The following ZDHHC5 variants were observed in gnomAD, a reference collection of about 807,000 sequenced individuals.
The protein encoded by ZDHHC5 is zDHHC palmitoyltransferase 5, also known as palmitoyltransferase ZDHHC5.
In ZDHHC5, 22 loss-of-function variants were observed where a neutral mutation model predicts 70.0. That is an observed-to-expected ratio of 0.31 (90% CI 0.22 to 0.45). ZDHHC5 has a LOEUF of 0.45. Among genes scored for constraint, ZDHHC5 ranks in the 20% least tolerant of loss-of-function variants. The pLI is 1.00. For synonymous variants in ZDHHC5, 313 were observed against 347.8 expected (o/e 0.90, Z 1.11); for missense variants, 746 against 926.9 (o/e 0.80, Z 2.53).
intron 10 of ZDHHC5, among the ~76,000 whole-genome samples, chr11:57,698,250 C>T (rs1416948914): frequency 1.3e-5 from 2 of 152,158 alleles, no homozygotes; most frequent in Non-Finnish European, 2.9e-5. Context: ...AACTCAATCT[C>T]CTTGATACTG....
intron 9 of ZDHHC5, among the ~76,000 whole-genome samples, 198 bp from the exon 10 acceptor site, chr11:57,696,561 TAA>T (rs1388173490): frequency 6.6e-5 from 10 of 151,824 alleles, no homozygotes; most frequent in Admixed American, 6.6e-4. Context: ...ACAAAAAATT[TAA>T]AAAAGTTAGC....
chr11:57,684,065 C>G (rs2926651), intron 3 of ZDHHC5, among the ~76,000 whole-genome samples: 7,462 of 136,310 alleles, frequency 0.055, 649 homozygotes, highest in African/African-American at 0.18. Flanking sequence ...TTGACCCCCC[C>G]CTGGCTCAGG....
chr11:57,679,171 A>G (rs1565191823), intron 2 of ZDHHC5, among the ~76,000 whole-genome samples: 1 of 151,796 alleles, frequency 6.6e-6, no homozygotes, highest in Non-Finnish European at 1.5e-5. Context: ...TATTTTGTAT[A>G]TATATTTTGA....
chr11:57,699,784 T>C, intron 11 of ZDHHC5, 82 bp from the exon 12 acceptor site: 1 of 1,552,358 alleles, frequency 6.4e-7, no homozygotes, highest in South Asian at 1.1e-5. Flanking sequence ...ATCATTTTTT[T>C]CTCTGAACCT....
rs1946402271 is a variant in ZDHHC5 at position 57,699,145 on chromosome 11, G to A, written c.1709G>A (p.Gly570Asp). The change falls in exon 11 of 12, where the codon GGC becomes GAC. Residue 570 changes from glycine (G) to aspartate (D), a missense_variant. Around this residue, in one of 6 missense-constraint regions of ZDHHC5, gnomAD observed 340 missense variants for 350.1 expected, o/e 0.97. Coordinates refer to ENST00000287169, the MANE Select transcript of ZDHHC5 (RefSeq NM_015457.3). ...GAAGAACCAGGCTTGGGGGACTCAG[G>A]CATTCAGTCAACACCAGGCTCGGGC... Reference protein sequence around the residue: ...REEEPGLGDSGIQSTPGSGHA... With the variant: ...REEEPGLGDSDIQSTPGSGHA... 6.2e-7 allele frequency: 1 copy of A among 1,614,250 alleles called. No homozygotes were observed. The highest frequency in any genetic ancestry group is 8.5e-7 in the Non-Finnish European group (1 of 1,180,050).
At chr11:57,691,594 A>G (rs1946285583) in intron 6 of ZDHHC5, among the ~76,000 whole-genome samples, 1 of 152,234 alleles carries the variant, frequency 6.6e-6, no homozygotes, top group South Asian at 2.1e-4. Context: ...GACCCAAACC[A>G]AACTGAAACT....
chr11:57,670,395 C>T (rs186096270), intron 1 of ZDHHC5, among the ~76,000 whole-genome samples: 46 of 151,556 alleles, frequency 3.0e-4, no homozygotes, highest in Non-Finnish European at 4.3e-4. Flanking sequence ...TGCTTGAATC[C>T]GGGACTCGGA....
rs1435334775 is a variant in ZDHHC5 at position 57,699,951 on chromosome 11, C to T, written c.2068C>T (p.Pro690Ser). 4 of 1,614,152 alleles carry T rather than the reference C, an allele frequency of 2.5e-6. No individual in the cohort carries two copies. Among genetic ancestry groups the T allele is most frequent in the Admixed American group, 1.7e-5 (1 of 60,006 alleles). The stretch of plus-strand genomic sequence containing the variant: ...CTCAGCCTCCCCTGGCCCAGGCCAG[C>T]CACCTCTCAGTAGCCCCACGAGGGG... ...LGSASPGPGQPPLSSPTRGGV... is the reference protein window; with the variant it reads ...LGSASPGPGQSPLSSPTRGGV... Residue 690 changes from proline (P) to serine (S), a missense_variant, in exon 12 of 12, where the codon CCA becomes TCA. Pro to Ser is a moderately conservative substitution (Grantham distance 74). This residue lies in a region of ZDHHC5 where 340 missense variants were observed against 350.1 expected (regional missense o/e 0.97). Coordinates refer to ENST00000287169, the MANE Select transcript of ZDHHC5 (RefSeq NM_015457.3).
intron 6 of ZDHHC5, among the ~76,000 whole-genome samples, chr11:57,692,375 T>G (rs1946295967): frequency 6.6e-6 from 1 of 152,208 alleles, no homozygotes; most frequent in Non-Finnish European, 1.5e-5. Flanking sequence ...TATCCCATTT[T>G]ACATGAGGAA....
intron 4 of ZDHHC5, 152 bp downstream of exon 4, chr11:57,688,817 A>C (rs190860857): frequency 1.3e-6 from 1 of 778,272 alleles, no homozygotes; most frequent in African/African-American, 1.8e-5. Context: ...TAATAATGAC[A>C]TGGCATGAGA....
chr11:57,673,110 A>G lies in ZDHHC5; in HGVS notation c.20A>G (p.Lys7Arg). Residue 7 changes from lysine to arginine, a missense_variant, in exon 2 of 12, where the codon AAG becomes AGG. Lys to Arg is a conservative substitution (Grantham distance 26). Around this residue, in one of 6 missense-constraint regions of ZDHHC5, gnomAD observed 89 missense variants for 130.7 expected, o/e 0.68. Coordinates refer to ENST00000287169, the MANE Select transcript of ZDHHC5 (RefSeq NM_015457.3). Reference protein sequence around the residue: MPAESGKRFKPSKYVPV... With the variant: MPAESGRRFKPSKYVPV... The stretch of plus-strand genomic sequence containing the variant: ...TCCAACATGCCCGCAGAGTCTGGAA[A>G]GAGATTCAAACCCAGCAAGTATGTC... The G allele has an allele frequency of 1.2e-6, 2 of 1,613,840 alleles. No individual in the cohort carries two copies. Among genetic ancestry groups the G allele is most frequent in the Admixed American group, 1.7e-5 (1 of 60,024 alleles).
At chr11:57,675,199 C>T (rs947028649) in intron 2 of ZDHHC5, among the ~76,000 whole-genome samples, 1 of 152,162 alleles carries the variant, frequency 6.6e-6, no homozygotes, top group Non-Finnish European at 1.5e-5. Flanking sequence ...TAACTCTGCT[C>T]AATTGGGGAG....
chr11:57,680,243 G>C (rs1186104301), intron 2 of ZDHHC5, among the ~76,000 whole-genome samples: 1 of 152,088 alleles, frequency 6.6e-6, no homozygotes, highest in East Asian at 1.9e-4. Context: ...CGGGCGTGGT[G>C]GTGTGCATCT....
chr11:57,698,571 G>C lies in ZDHHC5; in HGVS notation c.1135G>C (p.Asp379His). Residue 379 changes from aspartate to histidine, a missense_variant, in exon 11 of 12, where the codon GAC (aspartate) becomes CAC (histidine). This residue lies in a region of ZDHHC5 where 179 missense variants were observed against 178.4 expected (regional missense o/e 1.00). Coordinates refer to ENST00000287169, the MANE Select transcript of ZDHHC5 (RefSeq NM_015457.3). ...CTTTCTTCCTCAGTTGAGTCGTGGG[G>C]ACAGCTTGAAGGAGCCAACCTCAAT... ...HSSSAKLSRG[D>H]SLKEPTSIAE... The C allele has an allele frequency of 6.2e-7, 1 of 1,606,822 alleles. No homozygotes were observed. Among genetic ancestry groups the C allele is most frequent in the Non-Finnish European group, 8.5e-7 (1 of 1,176,434 alleles).
intron 3 of ZDHHC5, among the ~76,000 whole-genome samples, chr11:57,687,420 A>G: frequency 6.6e-6 from 1 of 152,038 alleles, no homozygotes; most frequent in Non-Finnish European, 1.5e-5. Flanking sequence ...AAAATACAAA[A>G]AATTAGCTGC....
intron 6 of ZDHHC5, among the ~76,000 whole-genome samples, chr11:57,692,069 C>T (rs921204841): frequency 6.6e-6 from 1 of 151,952 alleles, no homozygotes; most frequent in East Asian, 1.9e-4. Context: ...CTGGCTGGGG[C>T]GCAGTGGCAC....
chr11:57,669,476 GA>G (rs1481324962), intron 1 of ZDHHC5, among the ~76,000 whole-genome samples: 5 of 152,014 alleles, frequency 3.3e-5, no homozygotes, highest in African/African-American at 1.2e-4. Context: ...TCATTTTTGA[GA>G]CGGAGTCTGG....
chr11:57,675,122 C>G (rs1227430617), intron 2 of ZDHHC5, among the ~76,000 whole-genome samples: 1 of 152,142 alleles, frequency 6.6e-6, no homozygotes, highest in Non-Finnish European at 1.5e-5. Context: ...TATATTATAT[C>G]TTAGTATCCT....
In ZDHHC5 at chr11:57,700,740, G is replaced by A. The variant is rs1368059182; in HGVS notation, c.*709G>A. 2 of 152,600 alleles carry A rather than the reference G, an allele frequency of 1.3e-5. No individual in the cohort carries two copies. Among genetic ancestry groups the A allele is most frequent in the Non-Finnish European group, 2.9e-5 (2 of 68,056 alleles). The allele number at this position is 152,600 out of a possible 1,614,324, so 9.5% of individuals were successfully genotyped here. A position where few individuals can be genotyped will look rare whatever the true frequency, so the allele number is the denominator to read the frequency against. On this transcript the variant is annotated 3_prime_UTR_variant, in exon 12 of 12. Coordinates refer to ENST00000287169, the MANE Select transcript of ZDHHC5 (RefSeq NM_015457.3). Reference sequence around the variant, plus strand: ...GGCTCATTGGCATTTAGTTTCCCTAGGAAAGGGGTCAAAACTTCAAGACAC... The same window carrying A: ...GGCTCATTGGCATTTAGTTTCCCTAAGAAAGGGGTCAAAACTTCAAGACAC...
Sources: gnomAD v4.1 joint callset for allele counts (sites outside exome capture counted in the v4.1 genomes callset) on GRCh38, gnomAD v4.1.1 for gene constraint, gnomAD v4.1.1 regional missense constraint, MANE v1.5 for transcripts, NCBI Gene and HGNC (gene_info 2026-07-23, HGNC 2026-07-21) for gene names.